The following FBXL7 variants were observed in gnomAD, a reference collection of about 807,000 sequenced individuals.
FBXL7 encodes the protein F-box/LRR-repeat protein 7.
In FBXL7, 12 loss-of-function variants were observed where a neutral mutation model predicts 38.3. That is an observed-to-expected ratio of 0.31 (90% CI 0.20 to 0.51). The LOEUF is 0.51. FBXL7 is among the 20% of genes least tolerant of loss of function. The pLI, the probability that FBXL7 is intolerant of heterozygous loss-of-function variation, is 0.98. For synonymous variants in FBXL7, 297 were observed against 300.9 expected, an observed-to-expected ratio of 0.99 and a Z score of 0.13; for missense variants, 567 against 676.4, an observed-to-expected ratio of 0.84 and a Z score of 1.79.
chr5:15,729,622 A>G lies in FBXL7; in HGVS notation c.127+113550A>G, dbSNP rs143634589. On this transcript the variant is annotated intron_variant, in intron 2 of 3. Transcript: ENST00000504595. ...TCAGTAGTAATGTTTATCTTTTTAA[A>G]GGCAGTGTTGGCATTATAAGTGTAG... Among the ~76,000 whole-genome samples the G allele has an allele frequency of 2.1e-3, 323 of 152,292 alleles. 3 individuals carry two copies. The highest frequency in any genetic ancestry group is 7.6e-3 in the African/African-American group (316 of 41,588).
intron 2 of FBXL7, among the ~76,000 whole-genome samples, chr5:15,716,984 TTGA>T (rs1393868233): frequency 6.6e-6 from 1 of 152,252 alleles, no homozygotes; most frequent in African/African-American, 2.4e-5. Flanking sequence ...AAAATCCTAC[TTGA>T]TGACATTTAA....
chr5:15,795,053 C>T (rs959565062), intron 2 of FBXL7, among the ~76,000 whole-genome samples: 1 of 152,220 alleles, frequency 6.6e-6, no homozygotes, highest in Non-Finnish European at 1.5e-5. Flanking sequence ...GGACAACAAG[C>T]TCAGCCAGAG....
chr5:15,871,568 G>A (rs1739965693), intron 2 of FBXL7, among the ~76,000 whole-genome samples: 1 of 152,154 alleles, frequency 6.6e-6, no homozygotes, highest in Non-Finnish European at 1.5e-5. Flanking sequence ...AAGGTGAGAG[G>A]AATTGCTAAC....
At chr5:15,919,452 C>T (rs138102646) in intron 2 of FBXL7, among the ~76,000 whole-genome samples, 570 of 152,124 alleles carry the variant, frequency 3.7e-3, no homozygotes, top group African/African-American at 0.013. Context: ...CAGAAAAAGA[C>T]AGCTATACTT....
chr5:15,757,556 A>G (rs1736330548), intron 2 of FBXL7, among the ~76,000 whole-genome samples: 1 of 151,318 alleles, frequency 6.6e-6, no homozygotes, highest in African/African-American at 2.4e-5. Context: ...AAAAAAAAAG[A>G]TTTGTTTCCA....
chr5:15,859,211 G>T (rs748857856), intron 2 of FBXL7, among the ~76,000 whole-genome samples: 8 of 152,174 alleles, frequency 5.3e-5, no homozygotes, highest in Non-Finnish European at 8.8e-5. Context: ...AAGTGAACTG[G>T]GCCCAGGCTG....
chr5:15,679,380 C>T (rs1435684827), intron 2 of FBXL7, among the ~76,000 whole-genome samples: 1 of 152,124 alleles, frequency 6.6e-6, no homozygotes, highest in Non-Finnish European at 1.5e-5. Flanking sequence ...TTTTGCCTTC[C>T]AGCTGCAATG....
At chr5:15,551,972 T>C (rs1738086577) in intron 1 of FBXL7, among the ~76,000 whole-genome samples, 1 of 152,216 alleles carries the variant, frequency 6.6e-6, no homozygotes, top group African/African-American at 2.4e-5. Context: ...GAGGAATTTA[T>C]AAACATGAAA....
At chr5:15,843,189 A>C (rs1489035826) in intron 2 of FBXL7, among the ~76,000 whole-genome samples, 4 of 152,172 alleles carry the variant, frequency 2.6e-5, no homozygotes, top group Non-Finnish European at 5.9e-5. Context: ...TAAAATGATG[A>C]GCATATAAGC....
At chr5:15,520,075 GAT>G (rs201669079) in intron 1 of FBXL7, among the ~76,000 whole-genome samples, 1,753 of 152,310 alleles carry the variant, frequency 0.012, 38 homozygotes, top group African/African-American at 0.041. Context: ...GTAACTTCCT[GAT>G]ATATTGCCAT....
chr5:15,529,412 GTC>G (rs1480920762), intron 1 of FBXL7, among the ~76,000 whole-genome samples: 1 of 151,166 alleles, frequency 6.6e-6, no homozygotes, highest in Admixed American at 6.6e-5. Context: ...TTAAGACAGA[GTC>G]TCTCTCAGTC....
chr5:15,622,450 C>CA, intron 2 of FBXL7, among the ~76,000 whole-genome samples: 1 of 152,218 alleles, frequency 6.6e-6, no homozygotes, highest in Non-Finnish European at 1.5e-5. Flanking sequence ...CCCCACCCGA[C>CA]ACAGGCCCCG....
chr5:15,921,584 T>C (rs6892388), intron 2 of FBXL7, among the ~76,000 whole-genome samples: 52,497 of 152,030 alleles, frequency 0.35, 9,375 homozygotes, highest in Admixed American at 0.52. Context: ...GCTCAAAGAC[T>C]GCCTGCTGGA....
At chr5:15,663,752 T>G (rs995890607) in intron 2 of FBXL7, among the ~76,000 whole-genome samples, 12 of 152,350 alleles carry the variant, frequency 7.9e-5, no homozygotes, top group African/African-American at 2.9e-4. Context: ...TTTGCATCAA[T>G]GTTTATCAGA....
intron 1 of FBXL7, among the ~76,000 whole-genome samples, chr5:15,603,982 C>T (rs555844844): frequency 6.6e-6 from 1 of 152,204 alleles, no homozygotes; most frequent in South Asian, 2.1e-4. Context: ...ACTAAAAATT[C>T]AAAAGTTAGC....
intron 1 of FBXL7, among the ~76,000 whole-genome samples, chr5:15,588,657 G>A (rs1452564532): frequency 2.0e-5 from 3 of 152,100 alleles, no homozygotes; most frequent in African/African-American, 2.4e-5. Context: ...AAAGTGCTGG[G>A]ATTATAGGCG....
chr5:15,624,360 A>G lies in FBXL7; in HGVS notation c.127+8288A>G, dbSNP rs1271851474. ...TTCTCTTGAAAATGGGTTAATTCCC[A>G]TGAGAACAGATATTTTAACTGTTTT... On this transcript the variant is annotated intron_variant, in intron 2 of 3. Coordinates refer to ENST00000504595, the MANE Select transcript of FBXL7 (RefSeq NM_012304.5). 2.6e-5 allele frequency among the ~76,000 whole-genome samples: 4 copies of G among 152,184 alleles called. 1 individual carries two copies. The highest frequency in any genetic ancestry group is 2.9e-5 in the Non-Finnish European group (2 of 68,032).
intron 2 of FBXL7, among the ~76,000 whole-genome samples, chr5:15,835,811 T>C (rs1003452120): frequency 6.6e-6 from 1 of 152,188 alleles, no homozygotes; most frequent in African/African-American, 2.4e-5. Flanking sequence ...TAAGAGGCAC[T>C]GTCACTTGTG....
intron 2 of FBXL7, among the ~76,000 whole-genome samples, chr5:15,746,066 C>G (rs1008656678): frequency 6.6e-6 from 1 of 152,022 alleles, no homozygotes; most frequent in Non-Finnish European, 1.5e-5. Context: ...AGAGCCAGAG[C>G]CTTCAGAAAT....
Sources: allele counts gnomAD v4.1 joint callset (sites outside exome capture counted in the v4.1 genomes callset), GRCh38; gene constraint gnomAD v4.1.1; transcripts MANE v1.5; gene names NCBI Gene and HGNC (gene_info 2026-07-23, HGNC 2026-07-21).